SLC14A2: variants seen among roughly 807,000 people sequenced by gnomAD.
The protein encoded by SLC14A2 is solute carrier family 14 member 2.
SLC14A2 carries 91 observed loss-of-function variants against 104.6 expected under a neutral mutation model. That is an observed-to-expected ratio of 0.87 (90% CI 0.73 to 1.04). The LOEUF (loss-of-function observed/expected upper bound fraction) is 1.04. Ranked by LOEUF, SLC14A2 falls within the 50% of genes least tolerant of loss-of-function variation. SLC14A2 has a pLI of 0.00. For missense variants in SLC14A2, 1,189 were observed against 1,156.0 expected (o/e 1.03, Z -0.41); for synonymous variants, 476 against 466.4 (o/e 1.02, Z -0.27).
intron 1 of SLC14A2, among the ~76,000 whole-genome samples, chr18:45,388,854 A>G (rs1232733088): frequency 3.3e-5 from 5 of 152,194 alleles, no homozygotes; most frequent in African/African-American, 1.2e-4. Flanking sequence ...TGATAAAGCA[A>G]AGGAATTATG....
intron 1 of SLC14A2, among the ~76,000 whole-genome samples, chr18:45,330,761 G>C (rs2085282154): frequency 6.6e-6 from 1 of 152,180 alleles, no homozygotes; most frequent in South Asian, 2.1e-4. Context: ...TAGAGAAAGA[G>C]AATATTGGGC....
intron 1 of SLC14A2, among the ~76,000 whole-genome samples, chr18:45,282,834 T>TTTCTTTTCTTCC (rs11275944): frequency 0.95 from 143,744 of 151,802 alleles, 68,134 homozygotes; most frequent in East Asian, 1. Context: ...CCTCCCTTCC[T>TTTCTTTTCTTCC]TTCTTTTCTT....
chr18:45,587,151 T>C (rs1292543051), intron 2 of SLC14A2, among the ~76,000 whole-genome samples: 1 of 152,122 alleles, frequency 6.6e-6, no homozygotes, highest in African/African-American at 2.4e-5. Context: ...ATTTTTGTAT[T>C]TTTAGTAGAG....
At chr18:45,365,034 G>A (rs1398163557) in intron 1 of SLC14A2, among the ~76,000 whole-genome samples, 4 of 152,100 alleles carry the variant, frequency 2.6e-5, no homozygotes, top group African/African-American at 4.8e-5. Context: ...TAAATAAGTC[G>A]AGGAATCCTC....
intron 2 of SLC14A2, among the ~76,000 whole-genome samples, chr18:45,535,231 C>T (rs2043761929): frequency 2.0e-5 from 3 of 152,208 alleles, no homozygotes; most frequent in Non-Finnish European, 4.4e-5. Context: ...CACTACATAA[C>T]ACTTGCTATT....
Position 45,318,305 on chromosome 18 carries a change from T to A in SLC14A2, c.-125+105114T>A, listed in dbSNP as rs1189181000. Among the ~76,000 whole-genome samples, 5 of 151,962 alleles carry A rather than the reference T, an allele frequency of 3.3e-5. No individual in the cohort carries two copies. In the East Asian group the frequency reaches 9.7e-4, roughly 30 times the overall value. ...AGCAGCCTGCTCCTTCCCTTCCATG[T>A]GAGAGGAGGCCCAGGTTTGGGATGC... On this transcript the variant is annotated intron_variant, in intron 1 of 20. Coordinates refer to the SLC14A2 transcript ENST00000586448.
In SLC14A2 at chr18:45,639,841, G is replaced by T; in HGVS notation, c.939G>T (p.Ser313=). The T allele has an allele frequency of 6.2e-7, 1 of 1,613,650 alleles. No individual in the cohort carries two copies. ...TCCTGGTGGCTCTGTTCATCTCCTC[G>T]CCACTCATCTGCTTGCATGCAGCCA... ...GVFLVALFIS[S]PLICLHAAIG... The change falls in exon 7 of 20, where the codon TCG becomes TCT. Residue 313 remains serine (S), a synonymous_variant. Coordinates refer to ENST00000255226, the MANE Select transcript of SLC14A2 (RefSeq NM_007163.4).
At chr18:45,291,673 G>T (rs945698272) in intron 1 of SLC14A2, among the ~76,000 whole-genome samples, 3 of 152,144 alleles carry the variant, frequency 2.0e-5, no homozygotes, top group Non-Finnish European at 4.4e-5. Context: ...AACACCACTC[G>T]TTGGCATGTT....
In SLC14A2 at chr18:45,357,465, G is replaced by A. The variant is rs199746691; in HGVS notation, c.-124-125768G>A. Among the ~76,000 whole-genome samples, 12 of 152,130 alleles carry A rather than the reference G, an allele frequency of 7.9e-5. No homozygotes were observed. In the East Asian group the frequency reaches 2.3e-3, roughly 30 times the overall value. On this transcript the variant is annotated intron_variant, in intron 1 of 20. Coordinates refer to the SLC14A2 transcript ENST00000586448. ...ATCTCCCAAAAAAGTGTTTTAAAAA[G>A]TTAGCTGGGCGTGGTGGCACATGCG... is the stretch of plus-strand genomic sequence containing the variant.
At chr18:45,200,996 T>C in the SLC14A2 span, among the ~76,000 whole-genome samples, 1 of 152,156 alleles carries the variant, frequency 6.6e-6, no homozygotes, top group African/African-American at 2.4e-5. Context: ...TAGGCTTCTC[T>C]TGGCTATGAC....
the SLC14A2 span, among the ~76,000 whole-genome samples, chr18:45,203,311 C>T: frequency 2.0e-5 from 3 of 152,182 alleles, no homozygotes; most frequent in Non-Finnish European, 4.4e-5. Flanking sequence ...ACTCCACATT[C>T]TTACCCAGTG....
At chr18:45,674,527 G>A (rs1210742919) in intron 18 of SLC14A2, among the ~76,000 whole-genome samples, 1 of 151,954 alleles carries the variant, frequency 6.6e-6, no homozygotes, top group Non-Finnish European at 1.5e-5. Context: ...GATACGAAGG[G>A]TAAAGCTGCT....
At chr18:45,451,079 G>C (rs1450125533) in intron 1 of SLC14A2, among the ~76,000 whole-genome samples, 1 of 152,190 alleles carries the variant, frequency 6.6e-6, no homozygotes, top group African/African-American at 2.4e-5. Context: ...GTTTTGGCCT[G>C]CCATATATAA....
chr18:45,297,004 C>A (rs140959073), intron 1 of SLC14A2, among the ~76,000 whole-genome samples: 1 of 152,090 alleles, frequency 6.6e-6, no homozygotes, highest in Non-Finnish European at 1.5e-5. Flanking sequence ...TATTCTGCCT[C>A]TTATTTTGAT....
At chr18:45,190,801 G>A in the SLC14A2 span, among the ~76,000 whole-genome samples, 2 of 152,088 alleles carry the variant, frequency 1.3e-5, no homozygotes, top group South Asian at 2.1e-4. Context: ...ATTATTATCC[G>A]CATATTACAG....
chr18:45,560,564 A>T (rs551090097), intron 2 of SLC14A2, among the ~76,000 whole-genome samples: 1 of 152,314 alleles, frequency 6.6e-6, no homozygotes, highest in Admixed American at 6.5e-5. Context: ...GCTGCCTCTG[A>T]GACAAACAAT....
intron 7 of SLC14A2, among the ~76,000 whole-genome samples, chr18:45,640,123 A>G (rs1315678494): frequency 6.6e-6 from 1 of 152,060 alleles, no homozygotes; most frequent in Non-Finnish European, 1.5e-5. Flanking sequence ...AAAAAGTACA[A>G]AAATTAGCTG....
upstream of SLC14A2, among the ~76,000 whole-genome samples, chr18:45,613,599 A>G (rs1222747485): frequency 2.0e-5 from 3 of 152,186 alleles, no homozygotes; most frequent in South Asian, 2.1e-4. Flanking sequence ...GAGATGAGGA[A>G]CTTGTTGGGA....
At chr18:45,212,273 C>T (rs748155716), upstream of SLC14A2, among the ~76,000 whole-genome samples, 5 of 152,120 alleles carry the variant, frequency 3.3e-5, no homozygotes, top group African/African-American at 4.8e-5. Context: ...AGTTAATTTG[C>T]ACATTGTAAG....
Sources: allele counts gnomAD v4.1 joint callset (sites outside exome capture counted in the v4.1 genomes callset), GRCh38; gene constraint gnomAD v4.1.1; transcripts MANE v1.5; gene names NCBI Gene and HGNC (gene_info 2026-07-23, HGNC 2026-07-21).